The following TMEM132D variants were observed in gnomAD, a reference collection of about 807,000 sequenced individuals.
The protein encoded by TMEM132D is transmembrane protein 132D.
In TMEM132D, 21 loss-of-function variants were observed where a neutral mutation model predicts 62.3. That is an observed-to-expected ratio of 0.34 (90% CI 0.24 to 0.49). The LOEUF is 0.49. Ranked by LOEUF, TMEM132D falls within the 20% of genes least tolerant of loss-of-function variation. The pLI is 0.99. For synonymous variants in TMEM132D, 621 were observed against 575.6 expected (o/e 1.08, Z -1.13); for missense variants, 1,346 against 1,402.8 (o/e 0.96, Z 0.65).
intron 5 of TMEM132D, among the ~76,000 whole-genome samples, chr12:129,120,779 C>T (rs777462523): frequency 3.9e-5 from 6 of 152,090 alleles, no homozygotes; most frequent in Admixed American, 3.3e-4. Context: ...TACACATAAA[C>T]GGTCTGTACA....
chr12:129,401,883 T>C (rs1312368863), intron 3 of TMEM132D, among the ~76,000 whole-genome samples: 4 of 152,158 alleles, frequency 2.6e-5, no homozygotes, highest in African/African-American at 9.7e-5. Context: ...AAGATTTGAA[T>C]TGATCCAGCC....
intron 5 of TMEM132D, among the ~76,000 whole-genome samples, chr12:129,197,405 G>A (rs563364754): frequency 1.4e-4 from 22 of 152,256 alleles, no homozygotes; most frequent in African/African-American, 5.3e-4. Flanking sequence ...AGAACTCTCT[G>A]TGTCTCAATT....
At chr12:129,281,658 T>C (rs1386654717) in intron 4 of TMEM132D, among the ~76,000 whole-genome samples, 1 of 152,136 alleles carries the variant, frequency 6.6e-6, no homozygotes, top group Non-Finnish European at 1.5e-5. Context: ...CTGTATTCAG[T>C]TATCCTCTAT....
chr12:129,723,789 G>A (rs1593135999), intron 1 of TMEM132D, among the ~76,000 whole-genome samples: 1 of 152,184 alleles, frequency 6.6e-6, no homozygotes, highest in East Asian at 1.9e-4. Context: ...TTCTGTCCAT[G>A]CCAGGAGCCA....
intron 2 of TMEM132D, among the ~76,000 whole-genome samples, chr12:129,583,000 G>T (rs944288656): frequency 1.6e-4 from 25 of 152,108 alleles, no homozygotes; most frequent in African/African-American, 6.0e-4. Flanking sequence ...CACGAGCTCA[G>T]CTCACTGCAA....
intron 4 of TMEM132D, among the ~76,000 whole-genome samples, chr12:129,294,820 TC>T: frequency 6.6e-6 from 1 of 152,358 alleles, no homozygotes; most frequent in South Asian, 2.1e-4. Context: ...TAATGTACTT[TC>T]CATCTTTCAA....
At chr12:129,888,423 C>T (rs186161353) in intron 1 of TMEM132D, among the ~76,000 whole-genome samples, 9 of 152,092 alleles carry the variant, frequency 5.9e-5, no homozygotes, top group African/African-American at 2.2e-4. Flanking sequence ...CCTGTCTGGG[C>T]GCGATGGCTC....
At chr12:129,726,522 T>C (rs1314336253) in intron 1 of TMEM132D, among the ~76,000 whole-genome samples, 2 of 152,134 alleles carry the variant, frequency 1.3e-5, no homozygotes, top group Non-Finnish European at 2.9e-5. Flanking sequence ...AGAGACATGG[T>C]CATGGGCCAG....
chr12:129,212,051 G>C (rs998628048), intron 4 of TMEM132D: 1 of 152,194 alleles, frequency 6.6e-6, no homozygotes, highest in Non-Finnish European at 1.5e-5. Flanking sequence ...CATCACAAAG[G>C]AGAGAGACAG....
chr12:129,417,300 T>C (rs372559755), intron 3 of TMEM132D, among the ~76,000 whole-genome samples: 1 of 152,198 alleles, frequency 6.6e-6, no homozygotes, highest in Admixed American at 6.5e-5. Context: ...CTTCAAGCTA[T>C]ACTACAAGGC....
At chr12:129,769,737 G>C (rs1182620459) in intron 1 of TMEM132D, among the ~76,000 whole-genome samples, 1 of 152,192 alleles carries the variant, frequency 6.6e-6, no homozygotes, top group Admixed American at 6.5e-5. Context: ...ATTTGAAAGA[G>C]GTCTTAACTG....
chr12:129,686,399 A>C (rs143037844), intron 2 of TMEM132D, among the ~76,000 whole-genome samples: 2 of 152,098 alleles, frequency 1.3e-5, no homozygotes, highest in East Asian at 3.9e-4. Context: ...TTTGCTCAGC[A>C]CTTCTCCTTC....
intron 2 of TMEM132D, among the ~76,000 whole-genome samples, chr12:129,620,900 A>T (rs1324623869): frequency 6.6e-6 from 1 of 152,216 alleles, no homozygotes; most frequent in East Asian, 1.9e-4. Context: ...CGATGGGTTC[A>T]TAGGCACAGC....
rs143073881 is a variant in TMEM132D, at chr12:129,639,525, G to C, written c.968+60285C>G. Reference sequence around the variant, plus strand: ...CTGCTCATTTTCTTTCTTCATACCTGTTCTGTCCAGCTAAGTGTCCCCAGT... The same window carrying C: ...CTGCTCATTTTCTTTCTTCATACCTCTTCTGTCCAGCTAAGTGTCCCCAGT... On this transcript the variant is annotated intron_variant, in intron 2 of 8. Coordinates refer to ENST00000422113, the MANE Select transcript of TMEM132D (RefSeq NM_133448.3). Among the ~76,000 whole-genome samples, 612 of 150,382 alleles carry C rather than the reference G, an allele frequency of 4.1e-3. 2 individuals carry two copies. Among genetic ancestry groups the C allele is most frequent in the African/African-American group, 0.014 (578 of 40,834 alleles).
intron 3 of TMEM132D, among the ~76,000 whole-genome samples, chr12:129,362,431 G>A (rs937794460): frequency 5.1e-4 from 7 of 13,616 alleles, no homozygotes; most frequent in Non-Finnish European, 1.4e-3. Context: ...GCCCACCCCC[G>A]TCTGAAAGTG....
At chr12:129,224,748 A>G (rs1879435860) in intron 4 of TMEM132D, among the ~76,000 whole-genome samples, 1 of 152,206 alleles carries the variant, frequency 6.6e-6, no homozygotes. Flanking sequence ...TCTATTAAAA[A>G]TACAAAATTA....
chr12:129,162,264 C>G (rs865848825), intron 5 of TMEM132D, among the ~76,000 whole-genome samples: 20 of 152,132 alleles, frequency 1.3e-4, no homozygotes, highest in African/African-American at 4.1e-4. Context: ...GAGGAAAGAC[C>G]CTGTGAGGAC....
chr12:129,530,545 G>T (rs1488374815), intron 3 of TMEM132D, among the ~76,000 whole-genome samples: 1 of 152,176 alleles, frequency 6.6e-6, no homozygotes, highest in Admixed American at 6.5e-5. Flanking sequence ...TCCCTAGAGT[G>T]ATCCACAATT....
At chr12:129,764,695 C>T (rs1870497319) in intron 1 of TMEM132D, among the ~76,000 whole-genome samples, 1 of 152,190 alleles carries the variant, frequency 6.6e-6, no homozygotes, top group Non-Finnish European at 1.5e-5. Context: ...ATTCCCAGCA[C>T]TTTAGGAGGT....
Sources: gnomAD v4.1 joint callset for allele counts (sites outside exome capture counted in the v4.1 genomes callset) on GRCh38, gnomAD v4.1.1 for gene constraint, MANE v1.5 for transcripts, NCBI Gene and HGNC (gene_info 2026-07-23, HGNC 2026-07-21) for gene names.